CEP290: variants seen among roughly 807,000 people sequenced by gnomAD.
The protein encoded by CEP290 is centrosomal protein 290.
CEP290 carries 317 observed loss-of-function variants against 344.9 expected under a neutral mutation model. The ratio of observed to expected loss-of-function variants is 0.92; its 90% confidence interval spans 0.84 to 1.01. The LOEUF is 1.01. CEP290 is among the 50% of genes least tolerant of loss of function. The probability of loss-of-function intolerance (pLI) is 0.00; values close to 1 mark genes in which losing one functional copy is unlikely to be tolerated. For synonymous variants in CEP290, 932 were observed against 895.8 expected (o/e 1.04, Z -0.72); for missense variants, 2,754 against 2,761.4 (o/e 1.00, Z 0.06).
chr12:88,062,515 A>G (rs2034555691), intron 46 of CEP290, among the ~76,000 whole-genome samples, 177 bp downstream of exon 46: 1 of 152,200 alleles, frequency 6.6e-6, no homozygotes, highest in Non-Finnish European at 1.5e-5. Flanking sequence ...AACAGATGAT[A>G]AAATACTTTG....
chr12:88,051,422 C>T (rs186763494), intron 52 of CEP290, among the ~76,000 whole-genome samples: 1 of 152,120 alleles, frequency 6.6e-6, no homozygotes, highest in Non-Finnish European at 1.5e-5. Flanking sequence ...TGGTCTCGAA[C>T]TCCTGACCTC....
Position 88,049,041 on chromosome 12 carries a change from A to T in CEP290, c.*143T>A. On this transcript the variant is annotated 3_prime_UTR_variant, in exon 54 of 54. Coordinates refer to ENST00000552810, the MANE Select transcript of CEP290 (RefSeq NM_025114.4). ...TAAGTTGAAAATTTCATATAATTTTATTTATTAAGAATTCCAATCTAAGTA... is the reference window on the plus strand; with the variant it reads ...TAAGTTGAAAATTTCATATAATTTTTTTTATTAAGAATTCCAATCTAAGTA... 1 of 447,516 alleles carries T rather than the reference A, an allele frequency of 2.2e-6. No individual in the cohort carries two copies. Among genetic ancestry groups the T allele is most frequent in the Non-Finnish European group, 3.9e-6 (1 of 253,436 alleles). The allele number at this position is 447,516 out of a possible 1,614,324, so 27.7% of individuals were successfully genotyped here.
At chr12:88,116,302 C>G (rs1329007852) in intron 18 of CEP290, among the ~76,000 whole-genome samples, 2 of 152,220 alleles carry the variant, frequency 1.3e-5, no homozygotes, top group African/African-American at 4.8e-5. Context: ...TTAAAAATCT[C>G]TCTTATTGTA....
rs1046247551 is a variant in CEP290 at position 88,086,517 on chromosome 12, G to T, written c.4195-19C>A. The T allele has an allele frequency of 6.5e-7, 1 of 1,546,014 alleles. No individual in the cohort carries two copies. Among genetic ancestry groups the T allele is most frequent in the Non-Finnish European group, 8.8e-7 (1 of 1,135,140 alleles). On this transcript the variant is annotated intron_variant, in intron 32 of 53. Transcript: ENST00000552810. Reference sequence around the variant, plus strand: ...CATGAAACTAAAAAAAGGACAATTTGTGTCAGACACATACACGAAGACATC... The same window carrying T: ...CATGAAACTAAAAAAAGGACAATTTTTGTCAGACACATACACGAAGACATC...
At chr12:88,092,173 T>C (rs554669939) in intron 29 of CEP290, among the ~76,000 whole-genome samples, 8 of 152,328 alleles carry the variant, frequency 5.3e-5, no homozygotes, top group African/African-American at 1.9e-4. Flanking sequence ...AACCTCAAGG[T>C]TAAGTATAAT....
At chr12:88,116,440 T>A (rs1018141256) in intron 18 of CEP290, among the ~76,000 whole-genome samples, 1 of 152,210 alleles carries the variant, frequency 6.6e-6, no homozygotes, top group Non-Finnish European at 1.5e-5. Flanking sequence ...AATGATCCTA[T>A]GGTCATATTC....
chr12:88,141,377 G>C, intron 1 of CEP290, 43 bp from the exon 2 acceptor site: 2 of 974,482 alleles, frequency 2.1e-6, no homozygotes, highest in Non-Finnish European at 3.0e-6. Context: ...AAGGTACACA[G>C]TATTATTGGT....
In CEP290 at chr12:88,126,357, G is replaced by A. The variant is rs1471970975; in HGVS notation, c.1024C>T (p.Gln342Ter). ...ACATTACTTTTATCAGCATCAAGCT[G>A]AGCATTCTTAAGTTTCTCCCTTAGG... The part of the protein sequence containing the change: ...HNLREKLKNA[Q>*]LDADKSNVMA... The change falls in exon 12 of 54, where the codon CAG becomes TAG. Residue 342 changes from glutamine (Q) to a stop codon, truncating the protein, a stop_gained. Transcript: ENST00000552810. LOFTEE classifies it high-confidence loss of function. 2 of 1,504,524 alleles carry A rather than the reference G, an allele frequency of 1.3e-6. No homozygotes were observed. The highest frequency in any genetic ancestry group is 2.5e-5 in the Admixed American group (1 of 40,284). 93.2% of individuals were successfully genotyped at this position (1,504,524 alleles called of 1,614,324 possible). A position where few individuals can be genotyped will look rare whatever the true frequency, so the allele number is the denominator to read the frequency against.
At chr12:88,117,190 T>C in intron 17 of CEP290, 45 bp from the exon 18 acceptor site, 1 of 882,050 alleles carries the variant, frequency 1.1e-6, no homozygotes, top group African/African-American at 1.8e-5. Context: ...AAAATAACCC[T>C]CCTACTATTC....
intron 5 of CEP290, among the ~76,000 whole-genome samples, chr12:88,137,738 A>G (rs548830695): frequency 2.4e-4 from 37 of 152,316 alleles, no homozygotes; most frequent in African/African-American, 8.9e-4. Flanking sequence ...AACTCTTTCA[A>G]TTGGAAGGTG....
intron 6 of CEP290, 105 bp downstream of exon 6, chr12:88,136,538 T>G: frequency 8.6e-7 from 1 of 1,166,374 alleles, no homozygotes. Context: ...TGTACATCAT[T>G]TTTCAAATAT....
At position 88,054,339 on chromosome 12, in the gene CEP290, C is replaced by T. The variant is rs1353230451; in HGVS notation, c.7034+1G>A. On this transcript the variant is annotated splice_donor_variant, in intron 51 of 53. Transcript: ENST00000552810. LOFTEE classifies it high-confidence loss of function. ...AGTAGTCATATGAATACATGATGTA[C>T]CTAAGAACTTGAAGCTCCCGTTTAA... 6.3e-7 allele frequency: 1 copy of T among 1,592,690 alleles called. No homozygotes were observed. The highest frequency in any genetic ancestry group is 1.4e-5 in the African/African-American group (1 of 73,754).
At chr12:88,054,218 G>A (rs2033810356) in intron 51 of CEP290, 122 bp downstream of exon 51, 3 of 640,204 alleles carry the variant, frequency 4.7e-6, no homozygotes, top group Non-Finnish European at 8.1e-6. Flanking sequence ...GACCTAATAA[G>A]CCTGTTAGGC....
Position 88,140,849 on chromosome 12 carries a change from G to A in CEP290, c.180+107C>T, listed in dbSNP as rs750432191. 2.6e-4 allele frequency: 174 copies of A among 661,778 alleles called. 1 individual carries two copies. The highest frequency in any genetic ancestry group is 3.8e-4 in the Non-Finnish European group (151 of 393,050). 41.0% of individuals were successfully genotyped at this position (661,778 alleles called of 1,614,324 possible). A position where few individuals can be genotyped will look rare whatever the true frequency, so the allele number is the denominator to read the frequency against. ...TAAATATATTGCATTTTTTAGTGGT[G>A]ATGTAGATATTACCAGGTATTTTCA... On this transcript the variant is annotated intron_variant, in intron 3 of 53. Transcript: ENST00000552810.
chr12:88,111,638 C>G, intron 21 of CEP290, 56 bp downstream of exon 21: 1 of 1,406,234 alleles, frequency 7.1e-7, no homozygotes, highest in Non-Finnish European at 9.5e-7. Flanking sequence ...TAAAAATTTC[C>G]TATTAAATCT....
intron 18 of CEP290, chr12:88,115,576 G>A (rs756508435): frequency 7.8e-7 from 1 of 1,283,214 alleles, no homozygotes. Flanking sequence ...TCATTCTAAA[G>A]AAAAATTTAA....
intron 28 of CEP290, 134 bp from the exon 29 acceptor site, chr12:88,092,966 A>G: frequency 1.4e-6 from 1 of 738,822 alleles, no homozygotes; most frequent in Non-Finnish European, 2.2e-6. Flanking sequence ...TGAAGTGTTA[A>G]GAACAGACTG....
intron 13 of CEP290, among the ~76,000 whole-genome samples, chr12:88,123,096 C>T: frequency 6.6e-6 from 1 of 152,020 alleles, no homozygotes; most frequent in Non-Finnish European, 1.5e-5. Context: ...ACTCTGTGTT[C>T]CTAGTTAAGG....
At chr12:88,093,173 G>C (rs1335884975) in intron 28 of CEP290, among the ~76,000 whole-genome samples, 1 of 151,886 alleles carries the variant, frequency 6.6e-6, no homozygotes, top group African/African-American at 2.4e-5. Flanking sequence ...AAATCCAAAT[G>C]AGTTAATAAA....
Sources: allele counts gnomAD v4.1 joint callset (sites outside exome capture counted in the v4.1 genomes callset), GRCh38; gene constraint gnomAD v4.1.1; transcripts MANE v1.5; gene names NCBI Gene and HGNC (gene_info 2026-07-23, HGNC 2026-07-21).